The following AFTPH variants were observed in gnomAD, a reference collection of about 807,000 sequenced individuals.
AFTPH encodes aftiphilin.
In AFTPH, 7 loss-of-function variants were observed where a neutral mutation model predicts 72.5. The ratio of observed to expected loss-of-function variants is 0.10; its 90% CI spans 0.05 to 0.18. The LOEUF (loss-of-function observed/expected upper bound fraction) is 0.18. AFTPH is among the 10% of genes least tolerant of loss of function. AFTPH has a pLI of 1.00. For missense variants in AFTPH, 979 were observed against 1,060.5 expected (o/e 0.92, Z 1.07); for synonymous variants, 337 against 370.1 (o/e 0.91, Z 1.03).
intron 6 of AFTPH, among the ~76,000 whole-genome samples, chr2:64,577,318 C>CT (rs529528254): frequency 1.8e-3 from 272 of 151,608 alleles, no homozygotes; most frequent in African/African-American, 3.1e-3. Context: ...TAGTTTTAGT[C>CT]TTTTTTTGCT....
At chr2:64,526,698 T>A (rs776616557) in intron 1 of AFTPH, among the ~76,000 whole-genome samples, 4 of 152,246 alleles carry the variant, frequency 2.6e-5, no homozygotes, top group Admixed American at 6.5e-5. Context: ...TCTCAGTTTG[T>A]GCATATATCA....
intron 1 of AFTPH, among the ~76,000 whole-genome samples, chr2:64,528,635 C>G (rs1246423052): frequency 6.6e-6 from 1 of 151,958 alleles, no homozygotes; most frequent in African/African-American, 2.4e-5. Flanking sequence ...AGGCTTAAAC[C>G]TGAAGAAGGG....
chr2:64,584,593 A>ATTTTT (rs5831705), intron 7 of AFTPH, among the ~76,000 whole-genome samples: 1 of 116,982 alleles, frequency 8.5e-6, no homozygotes, highest in Non-Finnish European at 1.7e-5. Context: ...CTTAGTCATG[A>ATTTTT]TTTTTTTTTT....
chr2:64,582,011 T>C (rs1198299820), intron 7 of AFTPH, among the ~76,000 whole-genome samples: 2 of 152,232 alleles, frequency 1.3e-5, no homozygotes, highest in Admixed American at 1.3e-4. Flanking sequence ...ACTTTGTCAC[T>C]TTCTAACTGA....
chr2:64,592,182 A>C (rs948866936), exon 9 of AFTPH: 1 of 670,890 alleles, frequency 1.5e-6, no homozygotes, highest in Non-Finnish European at 2.3e-6. Context: ...AAAGGTATAC[A>C]TAGTAATGTA....
intron 1 of AFTPH, among the ~76,000 whole-genome samples, chr2:64,544,196 A>G (rs1194697071): frequency 6.6e-6 from 1 of 152,138 alleles, no homozygotes; most frequent in Non-Finnish European, 1.5e-5. Context: ...TAAGGATGTG[A>G]TTTCTCATAG....
At chr2:64,569,343 C>A in intron 4 of AFTPH, 125 bp downstream of exon 4, 2 of 1,306,396 alleles carry the variant, frequency 1.5e-6, no homozygotes, top group East Asian at 2.5e-5. Context: ...TTTAAATGTT[C>A]ACTTATATTG....
At chr2:64,570,846 A>G (rs562677825) in intron 5 of AFTPH, among the ~76,000 whole-genome samples, 38 of 128,908 alleles carry the variant, frequency 2.9e-4, no homozygotes, top group African/African-American at 9.8e-4. Context: ...CTTATGCTTT[A>G]TTTTTCAACC....
Position 64,576,184 on chromosome 2 carries a change from C to CAT in AFTPH, c.2394+3128_2394+3129dup, listed in dbSNP as rs779422046. ...GTATATATATATGGATTTACATATA[C>CAT]ATATATATATATAACATATATATAT... On this transcript the variant is annotated intron_variant, in intron 6 of 8. Transcript: ENST00000238856. Among the ~76,000 whole-genome samples the CAT allele has an allele frequency of 3.8e-3, 540 of 141,154 alleles. 4 individuals are homozygous for CAT. Among genetic ancestry groups the CAT allele is most frequent in the African/African-American group, 0.011 (440 of 38,354 alleles). The allele number at this position is 141,154 out of a possible 152,430, so 92.6% of individuals were successfully genotyped here.
chr2:64,540,708 T>G (rs907152735), intron 1 of AFTPH, among the ~76,000 whole-genome samples: 2 of 152,152 alleles, frequency 1.3e-5, no homozygotes, highest in Non-Finnish European at 2.9e-5. Context: ...AAAGACAAAA[T>G]TTTTTGTTGT....
At chr2:64,570,675 A>G (rs1437482669) in intron 5 of AFTPH, among the ~76,000 whole-genome samples, 1 of 152,068 alleles carries the variant, frequency 6.6e-6, no homozygotes, top group Non-Finnish European at 1.5e-5. Context: ...TCTTTTTCTC[A>G]AGGAGTAGCA....
chr2:64,534,976 AT>A (rs1669808964), intron 1 of AFTPH, among the ~76,000 whole-genome samples: 1 of 152,102 alleles, frequency 6.6e-6, no homozygotes, highest in South Asian at 2.1e-4. Context: ...TTCAAGTTTC[AT>A]TTTTAAGAAG....
At chr2:64,565,372 G>A (rs1672005698) in intron 2 of AFTPH, among the ~76,000 whole-genome samples, 1 of 151,260 alleles carries the variant, frequency 6.6e-6, no homozygotes, top group Non-Finnish European at 1.5e-5. Flanking sequence ...CTACTCGGGA[G>A]GCTGAGGCAG....
At chr2:64,532,162 G>T (rs1172116717) in intron 1 of AFTPH, among the ~76,000 whole-genome samples, 1 of 152,128 alleles carries the variant, frequency 6.6e-6, no homozygotes, top group African/African-American at 2.4e-5. Flanking sequence ...TGAAGGATGT[G>T]TGGGAATGTC....
At chr2:64,526,643 TCTGGC>T (rs1412142845) in intron 1 of AFTPH, among the ~76,000 whole-genome samples, 4 of 152,228 alleles carry the variant, frequency 2.6e-5, no homozygotes, top group African/African-American at 9.7e-5. Flanking sequence ...ATTTTGAAAA[TCTGGC>T]ATTGTATGGA....
At chr2:64,583,962 G>A (rs757661119) in intron 7 of AFTPH, among the ~76,000 whole-genome samples, 2 of 151,930 alleles carry the variant, frequency 1.3e-5, no homozygotes, top group Middle Eastern at 3.4e-3. Flanking sequence ...ATCTTAAAAG[G>A]AAAAAAACTT....
chr2:64,552,432 C>T (rs750265936), exon 2 of AFTPH: 30 of 1,614,014 alleles, frequency 1.9e-5, no homozygotes, highest in Non-Finnish European at 2.3e-5. Context: ...CCTTCCAACA[C>T]TGCAACAGGA....
chr2:64,561,084 C>T (rs1436119700), intron 2 of AFTPH, among the ~76,000 whole-genome samples: 1 of 152,192 alleles, frequency 6.6e-6, no homozygotes, highest in Non-Finnish European at 1.5e-5. Flanking sequence ...CATAGCTCCT[C>T]TACTTGGCTT....
exon 2 of AFTPH, chr2:64,553,261 C>G: frequency 6.2e-7 from 1 of 1,614,068 alleles, no homozygotes; most frequent in Non-Finnish European, 8.5e-7. Context: ...GCTACTGAAT[C>G]TCATCATCGA....
Sources: allele counts gnomAD v4.1 joint callset (sites outside exome capture counted in the v4.1 genomes callset), GRCh38; gene constraint gnomAD v4.1.1; transcripts MANE v1.5; gene names NCBI Gene and HGNC (gene_info 2026-07-23, HGNC 2026-07-21).